The following CNOT6 variants were observed in gnomAD, a reference collection of about 807,000 sequenced individuals.
CNOT6 encodes carbon catabolite repression 4 protein.
A neutral mutation model predicts 61.2 loss-of-function variants in CNOT6; 12 were observed. That is an observed-to-expected ratio of 0.20 (90% confidence interval 0.13 to 0.32). CNOT6 has a LOEUF of 0.32. CNOT6 is among the 10% of genes least tolerant of loss of function. The pLI, the probability that CNOT6 is intolerant of heterozygous loss-of-function variation, is 1.00. For missense variants in CNOT6, 405 were observed against 663.9 expected (o/e 0.61, Z 4.28); for synonymous variants, 225 against 240.6 (o/e 0.94, Z 0.60).
At chr5:180,531,274 G>GGCT (rs1758357610) in intron 2 of CNOT6, among the ~76,000 whole-genome samples, 6 of 150,676 alleles carry the variant, frequency 4.0e-5, no homozygotes, top group African/African-American at 1.5e-4. Context: ...CAGACGGGGT[G>GGCT]GCCGGTCAGA....
At chr5:180,535,987 GGT>G (rs1758668126) in intron 2 of CNOT6, among the ~76,000 whole-genome samples, 1 of 109,390 alleles carries the variant, frequency 9.1e-6, no homozygotes, top group African/African-American at 3.1e-5. Context: ...CACTTATTAG[GGT>G]TTTTTTTTTT....
At chr5:180,514,251 G>A (rs996679870) in intron 1 of CNOT6, among the ~76,000 whole-genome samples, 22 of 151,982 alleles carry the variant, frequency 1.4e-4, no homozygotes, top group African/African-American at 2.2e-4. Context: ...GTGAAACCCC[G>A]TCTCTACTAA....
At chr5:180,501,460 C>T (rs1386031132) in intron 1 of CNOT6, among the ~76,000 whole-genome samples, 2 of 152,156 alleles carry the variant, frequency 1.3e-5, no homozygotes, top group Admixed American at 6.5e-5. Flanking sequence ...CTCCTGGATA[C>T]TTAGGTGGAT....
intron 2 of CNOT6, among the ~76,000 whole-genome samples, chr5:180,537,798 C>CTG (rs1206231648): frequency 3.7e-5 from 3 of 81,482 alleles, no homozygotes; most frequent in African/African-American, 1.3e-4. Flanking sequence ...ATTCCTCTTT[C>CTG]TCTCTCTTTT....
chr5:180,530,716 C>G (rs780129), intron 2 of CNOT6, among the ~76,000 whole-genome samples: 7 of 133,792 alleles, frequency 5.2e-5, no homozygotes, highest in Non-Finnish European at 1.2e-4. Flanking sequence ...ACCCTGCGGC[C>G]TTCCGCAGTG....
chr5:180,557,002 G>A (rs189991003), intron 4 of CNOT6, among the ~76,000 whole-genome samples: 9 of 152,152 alleles, frequency 5.9e-5, no homozygotes, highest in Middle Eastern at 3.4e-3. Flanking sequence ...TACTGTATGC[G>A]GTCTTTTGAG....
intron 11 of CNOT6, among the ~76,000 whole-genome samples, chr5:180,573,588 TGTGTGTGTGTGTGTCC>T (rs753601371): frequency 0.033 from 1,094 of 33,488 alleles, 28 homozygotes; most frequent in East Asian, 0.22. Flanking sequence ...TGTGTGTGTG[TGTGTGTGTGTGTGTCC>T]GTCCGTCCGT....
chr5:180,499,294 C>G (rs1756759213), intron 1 of CNOT6, among the ~76,000 whole-genome samples: 1 of 152,222 alleles, frequency 6.6e-6, no homozygotes, highest in Admixed American at 6.5e-5. Flanking sequence ...TACTTGTCTT[C>G]TGAGTTAGGC....
At chr5:180,512,650 G>A (rs976801284) in intron 1 of CNOT6, among the ~76,000 whole-genome samples, 4 of 152,248 alleles carry the variant, frequency 2.6e-5, no homozygotes, top group South Asian at 2.1e-4. Flanking sequence ...AGGCTGGAGC[G>A]CAGTGGCGCA....
At chr5:180,510,802 GCA>G (rs1367230718) in intron 1 of CNOT6, among the ~76,000 whole-genome samples, 2 of 151,870 alleles carry the variant, frequency 1.3e-5, no homozygotes, top group Admixed American at 6.6e-5. Context: ...ATGGAAAATA[GCA>G]CAGTTACTTT....
At chr5:180,551,962 G>A (rs1458567548) in intron 3 of CNOT6, among the ~76,000 whole-genome samples, 10 of 148,282 alleles carry the variant, frequency 6.7e-5, no homozygotes, top group South Asian at 2.1e-4. Context: ...CTCTGCCTCC[G>A]GGTTCAAGTG....
In CNOT6 at chr5:180,576,159, A is replaced by G. The variant is rs930848923; in HGVS notation, c.*1959A>G. On this transcript the variant is annotated 3_prime_UTR_variant, in exon 12 of 12. Coordinates refer to ENST00000261951, the MANE Select transcript of CNOT6 (RefSeq NM_001370472.1). ...GTTTTGTTATTGGTTTTTTTTTGTA[A>G]AGTGTGAATAAAAGGTATGTTTACT... 1 of 152,340 alleles carries G rather than the reference A, an allele frequency of 6.6e-6. No homozygotes were observed. Among genetic ancestry groups the G allele is most frequent in the Non-Finnish European group, 1.5e-5 (1 of 67,978 alleles). The allele number at this position is 152,340 out of a possible 1,614,324, so 9.4% of individuals were successfully genotyped here.
chr5:180,536,341 C>G (rs960101577), intron 2 of CNOT6, among the ~76,000 whole-genome samples: 5 of 151,858 alleles, frequency 3.3e-5, no homozygotes, highest in Admixed American at 6.6e-5. Flanking sequence ...CTTGTAGATT[C>G]TATATAGTAA....
In CNOT6 at chr5:180,564,604, A is replaced by T. The variant is rs201307205; in HGVS notation, c.490+11A>T. On this transcript the variant is annotated intron_variant, in intron 5 of 11. Coordinates refer to ENST00000261951, the MANE Select transcript of CNOT6 (RefSeq NM_001370472.1). The stretch of plus-strand genomic sequence containing the variant: ...GTACTGCAAAAAGAAGTAAGTGGTT[A>T]TTTGTTTAAACCTTTTTATTAGGAA... 6.2e-7 allele frequency: 1 copy of T among 1,610,510 alleles called. No homozygotes were observed. The highest frequency in any genetic ancestry group is 1.7e-5 in the Admixed American group (1 of 59,984).
chr5:180,504,110 C>T (rs1374855470), intron 1 of CNOT6, among the ~76,000 whole-genome samples: 1 of 152,134 alleles, frequency 6.6e-6, no homozygotes, highest in Non-Finnish European at 1.5e-5. Flanking sequence ...AAAAACCTCC[C>T]AAGAGTCCAC....
rs922652803 is a variant in CNOT6 at position 180,524,413 on chromosome 5, T to A, written c.-2-4862T>A. Among the ~76,000 whole-genome samples the A allele has an allele frequency of 2.6e-5, 4 of 152,206 alleles. No homozygotes were observed. In the East Asian group the frequency reaches 7.7e-4, roughly 29 times the overall value. ...TGGATTGGGTTTTTCAGTGGGCATA[T>A]GTCCAATTTGCTATGTTTCTTTTAT... On this transcript the variant is annotated intron_variant, in intron 1 of 11. Transcript: ENST00000261951.
chr5:180,506,027 T>G (rs759630348), intron 1 of CNOT6, among the ~76,000 whole-genome samples: 1 of 152,160 alleles, frequency 6.6e-6, no homozygotes, highest in African/African-American at 2.4e-5. Context: ...AACATATTAT[T>G]TGGATAATGA....
intron 4 of CNOT6, among the ~76,000 whole-genome samples, chr5:180,563,444 G>A (rs971321372): frequency 9.3e-5 from 14 of 151,350 alleles, no homozygotes; most frequent in African/African-American, 3.2e-4. Flanking sequence ...AGGTTTCACC[G>A]TGTTAGCCAG....
At chr5:180,506,765 T>A (rs564060186) in intron 1 of CNOT6, among the ~76,000 whole-genome samples, 1 of 152,208 alleles carries the variant, frequency 6.6e-6, no homozygotes, top group East Asian at 1.9e-4. Context: ...CCTAGTAAGA[T>A]AGGCACTGCT....
Sources: allele counts gnomAD v4.1 joint callset (sites outside exome capture counted in the v4.1 genomes callset), GRCh38; gene constraint gnomAD v4.1.1; transcripts MANE v1.5; gene names NCBI Gene and HGNC (gene_info 2026-07-23, HGNC 2026-07-21).